Variants in NACA observed in about 807,000 individuals in gnomAD.
The protein encoded by NACA is nascent polypeptide associated complex subunit alpha.
Under a neutral mutation model 86.4 loss-of-function variants are expected in NACA, and 42 were observed. The observed-to-expected ratio is 0.49, with a 90% confidence interval of 0.38 to 0.63. The LOEUF (loss-of-function observed/expected upper bound fraction) is 0.63. Ranked by LOEUF, NACA falls within the 20% of genes least tolerant of loss-of-function variation. NACA has a pLI of 0.00. For synonymous variants in NACA, 898 were observed against 973.7 expected, an observed-to-expected ratio of 0.92 and a Z score of 1.45; for missense variants, 2,157 against 2,483.6, an observed-to-expected ratio of 0.87 and a Z score of 2.80.
intron 7 of NACA, 61 bp downstream of exon 7, chr12:56,713,001 C>T: frequency 6.2e-7 from 1 of 1,611,174 alleles, no homozygotes; most frequent in Non-Finnish European, 8.5e-7. Context: ...TAATATAGCT[C>T]ACCAACACGA....
intron 6 of NACA, 136 bp from the exon 7 acceptor site, chr12:56,713,326 A>T (rs1425681594): frequency 7.8e-7 from 1 of 1,280,052 alleles, no homozygotes; most frequent in Non-Finnish European, 1.1e-6. Flanking sequence ...CTCACAGTAG[A>T]AAGAGTAGTT....
Position 56,716,499 on chromosome 12 carries a change from G to T in NACA, c.5031C>A (p.Gly1677=), listed in dbSNP as rs1253807351. 4 of 1,514,964 alleles carry T rather than the reference G, an allele frequency of 2.6e-6. No individual in the cohort carries two copies. The highest frequency in any genetic ancestry group is 3.6e-6 in the Non-Finnish European group (4 of 1,117,590). 93.8% of individuals were successfully genotyped at this position (1,514,964 alleles called of 1,614,324 possible). A position where few individuals can be genotyped will look rare whatever the true frequency, so the allele number is the denominator to read the frequency against. Residue 1677 remains glycine (G), a synonymous_variant, in exon 3 of 9, where the codon GGC becomes GGA. Transcript: ENST00000454682. ...QASKGLPAKK[G]PTALKEVLVA... is the part of the protein sequence containing the mutation. ...CAAGTACTTCTTTCAGAGCTGTGGG[G>T]CCTTTCTTTGCTGGAAGCCCTTTAG... is the stretch of plus-strand genomic sequence containing the variant.
At position 56,720,641 on chromosome 12, in the gene NACA, T is replaced by C. The variant is rs1297188635; in HGVS notation, c.889A>G (p.Thr297Ala). 6.2e-7 allele frequency: 1 copy of C among 1,613,394 alleles called. No homozygotes were observed. The highest frequency in any genetic ancestry group is 1.7e-5 in the Admixed American group (1 of 59,954). The change falls in exon 3 of 9, where the codon ACC becomes GCC. Residue 297 changes from threonine to alanine, a missense_variant. Physicochemically the swap from Thr to Ala is moderately conservative, Grantham distance 58. Transcript: ENST00000454682. ...AGAGAAATGGGAAAATCTGGGGGGG[T>C]GTTGGGACCCGCAGTCTTTTGAGAA... ...TSSQKTAGPN[T>A]PPDFPISLGS...
chr12:56,721,468 A>C lies in NACA; in HGVS notation c.71-9T>G. The C allele has an allele frequency of 6.8e-7, 1 of 1,475,836 alleles. No individual in the cohort carries two copies. 91.4% of individuals were successfully genotyped at this position (1,475,836 alleles called of 1,614,324 possible). On this transcript the variant is annotated splice_polypyrimidine_tract_variant and intron_variant, in intron 2 of 8. Transcript: ENST00000454682. Reference sequence around the variant, plus strand: ...AGACATAGGTAGCACAGCTGGAGAAAGGCAAAAGGAGATAAAGAAAGGGGG... The same window carrying C: ...AGACATAGGTAGCACAGCTGGAGAACGGCAAAAGGAGATAAAGAAAGGGGG...
chr12:56,715,937 G>A lies in NACA; in HGVS notation c.5593C>T (p.Pro1865Ser). The change falls in exon 3 of 9, where the codon CCT becomes TCT. Residue 1865 changes from proline (P) to serine (S), a missense_variant. This residue lies in a region of NACA where 797 missense variants were observed against 777.6 expected (regional missense o/e 1.02). Coordinates refer to ENST00000454682, the MANE Select transcript of NACA (RefSeq NM_001365896.1). ...FQSVLVNMPT[P>S]KSAGIPVPTP... is the part of the protein sequence containing the mutation. ...GGGACAGGGATTCCAGCAGATTTAG[G>A]GGTGGGCATGTTGACGAGGACCGAC... 1 of 1,532,644 alleles carries A rather than the reference G, an allele frequency of 6.5e-7. No individual in the cohort carries two copies. The highest frequency in any genetic ancestry group is 8.8e-7 in the Non-Finnish European group (1 of 1,139,742). 94.9% of individuals were successfully genotyped at this position (1,532,644 alleles called of 1,614,324 possible).
rs552343056 is a variant in NACA at position 56,721,592 on chromosome 12, G to A, written c.71-133C>T. 3.3e-4 allele frequency: 190 copies of A among 567,722 alleles called. 5 individuals carry two copies. In the South Asian group the frequency reaches 3.7e-3, roughly 11 times the overall value. 35.2% of individuals were successfully genotyped at this position (567,722 alleles called of 1,614,324 possible). A position where few individuals can be genotyped will look rare whatever the true frequency, so the allele number is the denominator to read the frequency against. ...AAAATCTGACAGTCTAAGTCACCAC[G>A]CAGGATTAGATAAAGGTGACAGGCA... On this transcript the variant is annotated intron_variant, in intron 2 of 8. Coordinates refer to ENST00000454682, the MANE Select transcript of NACA (RefSeq NM_001365896.1).
chr12:56,718,811 G>GGGGC lies in NACA; in HGVS notation c.2718_2719insGCCC (p.Gln907AlafsTer23), dbSNP rs1428197943. ...GAAGTCATGGATAGAGCAGGAGCCTGTTTGGGTGCTGGAGTAGCTGGACCC... is the reference window on the plus strand; with the variant it reads ...GAAGTCATGGATAGAGCAGGAGCCTGGGGCTTTGGGTGCTGGAGTAGCTGGACCC... On this transcript the variant is annotated frameshift_variant, in exon 3 of 9. Coordinates refer to ENST00000454682, the MANE Select transcript of NACA (RefSeq NM_001365896.1). LOFTEE classifies it high-confidence loss of function. 6.9e-7 allele frequency: 1 copy of GGGGC among 1,443,332 alleles called. No individual in the cohort carries two copies. The highest frequency in any genetic ancestry group is 9.3e-7 in the Non-Finnish European group (1 of 1,069,844). The allele number at this position is 1,443,332 out of a possible 1,614,324, so 89.4% of individuals were successfully genotyped here. A position where few individuals can be genotyped will look rare whatever the true frequency, so the allele number is the denominator to read the frequency against.
Position 56,718,273 on chromosome 12 carries a change from G to C in NACA, c.3257C>G (p.Thr1086Ser). 1 of 1,132,394 alleles carries C rather than the reference G, an allele frequency of 8.8e-7. No individual in the cohort carries two copies. Among genetic ancestry groups the C allele is most frequent in the Admixed American group, 3.6e-5 (1 of 27,416 alleles). 70.1% of individuals were successfully genotyped at this position (1,132,394 alleles called of 1,614,324 possible). A position where few individuals can be genotyped will look rare whatever the true frequency, so the allele number is the denominator to read the frequency against. ...LKGAPTPPAA[T>S]PPSPKGGPAT... Reference sequence around the variant, plus strand: ...TGGGCCTCCTTTTGGGGAGGGAGGAGTCGCAGCTGGGGGAGTGGGGGCCCC... The same window carrying C: ...TGGGCCTCCTTTTGGGGAGGGAGGACTCGCAGCTGGGGGAGTGGGGGCCCC... Residue 1086 changes from threonine (T) to serine (S), a missense_variant, in exon 3 of 9, where the codon ACT becomes AGT. Coordinates refer to ENST00000454682, the MANE Select transcript of NACA (RefSeq NM_001365896.1).
At position 56,719,839 on chromosome 12, in the gene NACA, T is replaced by C; in HGVS notation, c.1691A>G (p.Gln564Arg). 6.2e-7 allele frequency: 1 copy of C among 1,613,714 alleles called. No individual in the cohort carries two copies. Residue 564 changes from glutamine (Q) to arginine (R), a missense_variant, in exon 3 of 9, where the codon CAG becomes CGG. Gln to Arg is a conservative substitution (Grantham distance 43). Transcript: ENST00000454682. ...KKDPTVLPLV[Q>R]AAPKNSPSFQ... Reference sequence around the variant, plus strand: ...AGAAGGGGAATTTTTAGGGGCTGCCTGGACTAACGGTAATACAGTAGGGTC... The same window carrying C: ...AGAAGGGGAATTTTTAGGGGCTGCCCGGACTAACGGTAATACAGTAGGGTC...
Position 56,718,145 on chromosome 12 carries a change from G to A in NACA, c.3385C>T (p.Pro1129Ser). The change falls in exon 3 of 9, where the codon CCA (proline) becomes TCA (serine). Residue 1129 changes from proline to serine, a missense_variant. This residue lies in a region of NACA where 124 missense variants were observed against 186.5 expected (regional missense o/e 0.66). Transcript: ENST00000454682. ...TPPHKGAPTT[P>S]AATPPSPKGG... ...TTTGGGGAGGGAGGAGTTGCAGCTG[G>A]GGTTGTGGGTGCCCCTTTGTGGGGT... 8 of 580,294 alleles carry A rather than the reference G, an allele frequency of 1.4e-5. 2 individuals carry two copies. The highest frequency in any genetic ancestry group is 1.7e-5 in the Non-Finnish European group (8 of 461,028). The allele number at this position is 580,294 out of a possible 1,614,324, so 35.9% of individuals were successfully genotyped here.
rs1376204681 is a variant in NACA, at chr12:56,719,201, C to T, written c.2329G>A (p.Ala777Thr). 1 of 1,485,426 alleles carries T rather than the reference C, an allele frequency of 6.7e-7. No individual in the cohort carries two copies. The highest frequency in any genetic ancestry group is 1.8e-5 in the Admixed American group (1 of 55,906). The allele number at this position is 1,485,426 out of a possible 1,614,324, so 92.0% of individuals were successfully genotyped here. ...PKECPTEDSGASATASSKGTL... is the reference protein window; with the variant it reads ...PKECPTEDSGTSATASSKGTL... ...CCTTTGGAAGATGCAGTAGCAGAAG[C>T]ACCAGAGTCCTCAGTTGGGCACTCT... Residue 777 changes from alanine to threonine, a missense_variant, in exon 3 of 9, where the codon GCT (alanine) becomes ACT (threonine). By Grantham distance (58) the Ala-to-Thr change is moderately conservative. Around this residue, in one of 8 missense-constraint regions of NACA, gnomAD observed 947 missense variants for 917.9 expected, o/e 1.03. Transcript: ENST00000454682.
rs1953506352 is a variant in NACA at position 56,719,395 on chromosome 12, G to A, written c.2135C>T (p.Pro712Leu). 1 of 1,611,646 alleles carries A rather than the reference G, an allele frequency of 6.2e-7. No individual in the cohort carries two copies. The highest frequency in any genetic ancestry group is 1.3e-5 in the African/African-American group (1 of 74,898). Residue 712 changes from proline to leucine, a missense_variant, in exon 3 of 9, where the codon CCA becomes CTA. Coordinates refer to ENST00000454682, the MANE Select transcript of NACA (RefSeq NM_001365896.1). ...PTASENCPVAPSPQNTCAPLA... is the reference protein window; with the variant it reads ...PTASENCPVALSPQNTCAPLA... ...AGGAGCACAGGTATTCTGGGGGGAT[G>A]GAGCCACAGGGCAATTTTCTGAAGC...
chr12:56,721,495 G>C, intron 2 of NACA, 36 bp from the exon 3 acceptor site: 1 of 1,395,634 alleles, frequency 7.2e-7, no homozygotes, highest in Non-Finnish European at 9.5e-7. Context: ...GAAAGGGGGA[G>C]GGGGAGGAGA....
rs769515621 is a variant in NACA, at chr12:56,716,107, G to T, written c.5423C>A (p.Pro1808His). 6.2e-7 allele frequency: 1 copy of T among 1,613,490 alleles called. No homozygotes were observed. Among genetic ancestry groups the T allele is most frequent in the Non-Finnish European group, 8.5e-7 (1 of 1,179,738 alleles). The change falls in exon 3 of 9, where the codon CCC becomes CAC. Residue 1808 changes from proline (P) to histidine (H), a missense_variant. By Grantham distance (77) the Pro-to-His change is moderately conservative (BLOSUM62 -2). Transcript: ENST00000454682. ...VSLPLAPSPV[P>H]TLPPKQQFLP... ...AAATTGCTGTTTAGGAGGCAGAGTG[G>T]GAACTGGGGAGGGAGCAAGAGGCAG...
intron 2 of NACA, among the ~76,000 whole-genome samples, chr12:56,723,497 T>C (rs1592324310): frequency 6.6e-6 from 1 of 152,326 alleles, no homozygotes. Flanking sequence ...AAGAATTTCA[T>C]ATTGTTTATA....
In NACA at chr12:56,719,424, A is replaced by G. The variant is rs1164048961; in HGVS notation, c.2106T>C (p.Pro702=). The change falls in exon 3 of 9, where the codon CCT becomes CCC. Residue 702 remains proline, a synonymous_variant. Transcript: ENST00000454682. The stretch of plus-strand genomic sequence containing the variant: ...CCACAGGGCAATTTTCTGAAGCTGT[A>G]GGAACCAAGGGTAAAGTAGTAAGAG... ...EGTLTTLPLV[P]TASENCPVAP... 6.2e-7 allele frequency: 1 copy of G among 1,612,832 alleles called. No individual in the cohort carries two copies. Among genetic ancestry groups the G allele is most frequent in the Non-Finnish European group, 8.5e-7 (1 of 1,179,570 alleles).
chr12:56,722,916 A>AAAATTC (rs1953613240), intron 2 of NACA, among the ~76,000 whole-genome samples: 1 of 152,208 alleles, frequency 6.6e-6, no homozygotes, highest in African/African-American at 2.4e-5. Flanking sequence ...CCGTGGTACC[A>AAAATTC]AAATTCAAAT....
intron 7 of NACA, 71 bp from the exon 8 acceptor site, chr12:56,712,979 G>C (rs1284687008): frequency 1.5e-5 from 24 of 1,611,586 alleles, no homozygotes; most frequent in African/African-American, 2.7e-5. Flanking sequence ...GGAGTCTCCT[G>C]AATCTAGTTT....
intron 2 of NACA, among the ~76,000 whole-genome samples, chr12:56,721,759 A>G (rs1200317067): frequency 6.6e-6 from 1 of 152,222 alleles, no homozygotes; most frequent in African/African-American, 2.4e-5. Context: ...CTATCTCTAA[A>G]TGGGGAGCAC....
Sources: allele counts gnomAD v4.1 joint callset (sites outside exome capture counted in the v4.1 genomes callset), GRCh38; gene constraint gnomAD v4.1.1; regional missense constraint gnomAD v4.1.1; transcripts MANE v1.5; gene names NCBI Gene and HGNC (gene_info 2026-07-23, HGNC 2026-07-21).